KIF21B: variants seen among roughly 807,000 people sequenced by gnomAD.
The protein encoded by KIF21B is kinesin-like protein KIF21B.
A neutral mutation model predicts 192.9 loss-of-function variants in KIF21B; 85 were observed. That is an observed-to-expected ratio of 0.44 (90% CI 0.37 to 0.53). KIF21B has a LOEUF of 0.53. Among genes scored for constraint, KIF21B ranks in the 20% least tolerant of loss-of-function variants. The pLI is 0.00. For synonymous variants in KIF21B, 832 were observed against 884.6 expected (o/e 0.94, Z 1.05); for missense variants, 1,716 against 2,194.8 (o/e 0.78, Z 4.36).
rs1657311063 is a variant in KIF21B, at chr1:200,999,376, C to T, written c.1858G>A (p.Asp620Asn). The T allele has an allele frequency of 6.2e-7, 1 of 1,614,028 alleles. No individual in the cohort carries two copies. The highest frequency in any genetic ancestry group is 8.5e-7 in the Non-Finnish European group (1 of 1,180,026). The change falls in exon 13 of 35, where the codon GAC (aspartate) becomes AAC (asparagine). Residue 620 changes from aspartate (D) to asparagine (N), a missense_variant. By Grantham distance (23) the Asp-to-Asn change is conservative. This residue lies in a region of KIF21B where 1,087 missense variants were observed against 1,316.6 expected (regional missense o/e 0.83). Coordinates refer to ENST00000461742, the MANE Select transcript of KIF21B (RefSeq NM_001252102.2). The surrounding 1 kb of genome is among the most constrained non-coding windows in gnomAD (Gnocchi z 4.7). ...TTCTCCTCGGGGTCTGAGTCTGAGT[C>T]CACCAGGCTCTCTTCACTGCCCGAG... Reference protein sequence around the residue: ...EDSGSEESLVDSDSDPEEKEV... With the variant: ...EDSGSEESLVNSDSDPEEKEV...
intron 1 of KIF21B, among the ~76,000 whole-genome samples, chr1:201,014,639 C>T (rs556382372): frequency 6.6e-6 from 1 of 152,356 alleles, no homozygotes; most frequent in African/African-American, 2.4e-5. Context: ...CCAATCAGCC[C>T]TCCCAGGAGC....
Position 201,022,129 on chromosome 1 carries a change from T to C in KIF21B, c.41+1214A>G, listed in dbSNP as rs1658871805. On this transcript the variant is annotated intron_variant, in intron 1 of 34. Coordinates refer to ENST00000461742, the MANE Select transcript of KIF21B (RefSeq NM_001252102.2). ...GCACTGATCAGTGTCAGCTCCTCTT[T>C]GGGCTGCAGAGGCCTGGCCAGGTGG... 2.0e-5 allele frequency among the ~76,000 whole-genome samples: 3 copies of C among 152,298 alleles called. No homozygotes were observed. The South Asian group carries it at 6.2e-4, about 32-fold the overall frequency.
chr1:201,007,811 G>A (rs928146836), intron 3 of KIF21B, among the ~76,000 whole-genome samples: 1 of 150,584 alleles, frequency 6.6e-6, no homozygotes, highest in Non-Finnish European at 1.5e-5. Flanking sequence ...CACACACATA[G>A]ACACACAAGA....
At position 200,970,315 on chromosome 1, in the gene KIF21B, A is replaced by AGG. The variant is rs1655151633; in HGVS notation, c.*3204_*3205dup. ...CTGCCCAGGCCACACATCCCCAGAC[A>AGG]GGCAGCAGGGCTGGACAGCTGAGGG... On this transcript the variant is annotated 3_prime_UTR_variant, in exon 35 of 35. Coordinates refer to ENST00000461742, the MANE Select transcript of KIF21B (RefSeq NM_001252102.2). 1 of 152,966 alleles carries AGG rather than the reference A, an allele frequency of 6.5e-6. No individual in the cohort carries two copies. The highest frequency in any genetic ancestry group is 1.5e-5 in the Non-Finnish European group (1 of 68,152). 9.5% of individuals were successfully genotyped at this position (152,966 alleles called of 1,614,324 possible).
chr1:200,983,706 T>C (rs1208396973), intron 27 of KIF21B, among the ~76,000 whole-genome samples: 1 of 152,208 alleles, frequency 6.6e-6, no homozygotes, highest in Non-Finnish European at 1.5e-5. Flanking sequence ...GGCACAGCCC[T>C]GCCCCAATCC....
intron 3 of KIF21B, among the ~76,000 whole-genome samples, chr1:201,007,784 GCA>G (rs770875709): frequency 4.8e-5 from 7 of 144,626 alleles, no homozygotes; most frequent in Non-Finnish European, 1.1e-4. Flanking sequence ...ACAAAGATGC[GCA>G]CACAGACACA....
At chr1:201,008,051 GA>G (rs1362040264) in intron 3 of KIF21B, among the ~76,000 whole-genome samples, 2 of 152,246 alleles carry the variant, frequency 1.3e-5, no homozygotes, top group African/African-American at 4.8e-5. Context: ...AAGGCCTGGA[GA>G]GGGCCAAAGC....
In KIF21B at chr1:201,007,199, G is replaced by GACAC. The variant is rs542800808; in HGVS notation, c.448-1509_448-1506dup. ...ACACACACAGACACAGAGACACACA[G>GACAC]ACACACACACACACAGAGACAGACA... On this transcript the variant is annotated intron_variant, in intron 3 of 34. Transcript: ENST00000461742. Among the ~76,000 whole-genome samples the GACAC allele has an allele frequency of 8.3e-5, 5 of 60,472 alleles. 1 individual carries two copies. Among genetic ancestry groups the GACAC allele is most frequent in the African/African-American group, 4.4e-4 (4 of 9,162 alleles). 39.7% of individuals were successfully genotyped at this position (60,472 alleles called of 152,430 possible). A position where few individuals can be genotyped will look rare whatever the true frequency, so the allele number is the denominator to read the frequency against.
At position 201,023,474 on chromosome 1, in the gene KIF21B, G is replaced by T; in HGVS notation, c.-91C>A. On this transcript the variant is annotated 5_prime_UTR_variant, in exon 1 of 35. Transcript: ENST00000461742. The surrounding 1 kb of genome is among the most constrained non-coding windows in gnomAD (Gnocchi z 5.9). The stretch of plus-strand genomic sequence containing the variant: ...AGCGGCTGCGGCTGCGGGAGGCGGG[G>T]GCGCGGGCGCGGCTGGCGGAGGCTG... 1.0e-6 allele frequency: 1 copy of T among 978,888 alleles called. No homozygotes were observed. Among genetic ancestry groups the T allele is most frequent in the Non-Finnish European group, 1.3e-6 (1 of 755,226 alleles). The allele number at this position is 978,888 out of a possible 1,614,324, so 60.6% of individuals were successfully genotyped here.
chr1:200,989,369 G>C (rs1057132610), intron 21 of KIF21B, among the ~76,000 whole-genome samples: 11 of 152,266 alleles, frequency 7.2e-5, no homozygotes, highest in Non-Finnish European at 1.0e-4. Flanking sequence ...GGGGTCAGGC[G>C]GCAGAGTCTC....
chr1:200,973,343 G>C lies in KIF21B; in HGVS notation c.*178C>G, dbSNP rs1212793179. On this transcript the variant is annotated 3_prime_UTR_variant, in exon 35 of 35. Transcript: ENST00000461742. ...CACCCAGAGGCTCCTGAGAGGCAGG[G>C]GAGGGATGAGGGAACAGTGTCCTGT... The C allele has an allele frequency of 1.5e-6, 1 of 670,420 alleles. No homozygotes were observed. The highest frequency in any genetic ancestry group is 4.2e-5 in the Admixed American group (1 of 23,808). The allele number at this position is 670,420 out of a possible 1,614,324, so 41.5% of individuals were successfully genotyped here. A position where few individuals can be genotyped will look rare whatever the true frequency, so the allele number is the denominator to read the frequency against.
intron 1 of KIF21B, among the ~76,000 whole-genome samples, chr1:201,011,501 C>T (rs1658233907): frequency 6.6e-6 from 1 of 152,216 alleles, no homozygotes. Flanking sequence ...TATGCTACAC[C>T]GTCTCTAAAG....
At chr1:200,994,152 A>G (rs534184411) in intron 15 of KIF21B, among the ~76,000 whole-genome samples, 1 of 152,206 alleles carries the variant, frequency 6.6e-6, no homozygotes, top group African/African-American at 2.4e-5. Flanking sequence ...GGTGGCTACC[A>G]CAGAGGCAAA....
chr1:200,981,197 G>A (rs1322808002), intron 28 of KIF21B, 101 bp from the exon 29 acceptor site: 3 of 1,275,480 alleles, frequency 2.4e-6, no homozygotes, highest in Non-Finnish European at 3.2e-6. Flanking sequence ...GCAGGGAGGG[G>A]ATGAGGACCA....
chr1:200,973,607 C>T (rs1655341996), intron 34 of KIF21B, 29 bp from the exon 35 acceptor site: 2 of 1,523,502 alleles, frequency 1.3e-6, no homozygotes, highest in Non-Finnish European at 1.7e-6. Context: ...TGGAGGGGTG[C>T]CGGTCAGCTC....
At position 200,974,869 on chromosome 1, in the gene KIF21B, G is replaced by A; in HGVS notation, c.4659C>T (p.Phe1553=). The change falls in exon 34 of 35, where the codon TTC becomes TTT. Residue 1553 remains phenylalanine, a synonymous_variant. Coordinates refer to ENST00000461742, the MANE Select transcript of KIF21B (RefSeq NM_001252102.2). The part of the protein sequence containing the change: ...AHKDWVCALA[F]IPGRPMLLSA... ...TGAGCAGCATGGGGCGGCCCGGGAT[G>A]AAGGCCAGGGCGCACACCCAGTCCT... The A allele has an allele frequency of 6.2e-7, 1 of 1,614,138 alleles. No homozygotes were observed. The highest frequency in any genetic ancestry group is 8.5e-7 in the Non-Finnish European group (1 of 1,180,022).
chr1:201,020,796 A>AC (rs1278510275), intron 1 of KIF21B, among the ~76,000 whole-genome samples: 1 of 112,990 alleles, frequency 8.9e-6, no homozygotes, highest in Non-Finnish European at 1.7e-5. Flanking sequence ...TAGCCCTGGG[A>AC]CCTCTCTCCT....
Position 200,998,040 on chromosome 1 carries a change from G to A in KIF21B, c.2077+344C>T, listed in dbSNP as rs995601444. On this transcript the variant is annotated intron_variant, in intron 14 of 34. Coordinates refer to ENST00000461742, the MANE Select transcript of KIF21B (RefSeq NM_001252102.2). This position sits in a 1 kb window ranked among gnomAD's most constrained non-coding sequence, Gnocchi z 4.3. ...ATGGGCTGAAGAGCAGCATAATGAA[G>A]ATAGAATGTAAGAACGGTTACAAAC... Among the ~76,000 whole-genome samples the A allele has an allele frequency of 6.6e-6, 1 of 152,178 alleles. No individual in the cohort carries two copies. Among genetic ancestry groups the A allele is most frequent in the Non-Finnish European group, 1.5e-5 (1 of 68,024 alleles).
At chr1:200,994,030 C>CAAGGT (rs1656888832) in intron 15 of KIF21B, among the ~76,000 whole-genome samples, 2 of 152,138 alleles carry the variant, frequency 1.3e-5, no homozygotes, top group South Asian at 4.1e-4. Flanking sequence ...TGTGCAAACC[C>CAAGGT]AAGGTGTCAG....
Sources: gnomAD v4.1 joint callset for allele counts (sites outside exome capture counted in the v4.1 genomes callset) on GRCh38, gnomAD v4.1.1 for gene constraint, gnomAD v4.1.1 regional missense constraint, Gnocchi (gnomAD v3.1) non-coding constraint, MANE v1.5 for transcripts, NCBI Gene and HGNC (gene_info 2026-07-23, HGNC 2026-07-21) for gene names.